The following ZNF577 variants were observed in gnomAD, a reference collection of about 807,000 sequenced individuals.
ZNF577 encodes zinc finger protein 577.
In ZNF577, 14 loss-of-function variants were observed where a neutral mutation model predicts 13.9. The observed-to-expected ratio is 1.00, with a 90% CI of 0.66 to 1.57. The LOEUF is 1.57. ZNF577 is among the 40% of genes most tolerant of loss of function. The probability of loss-of-function intolerance (pLI) is 0.00; values close to 1 mark genes in which losing one functional copy is unlikely to be tolerated. For missense variants in ZNF577, 555 were observed against 579.2 expected (o/e 0.96, Z 0.43); for synonymous variants, 203 against 202.9 (o/e 1.00, Z 0.00).
chr19:51,832,353 ATTTTTAT>A (rs2084265212), intron 9 of ZNF577, among the ~76,000 whole-genome samples: 1 of 151,164 alleles, frequency 6.6e-6, no homozygotes, highest in South Asian at 2.1e-4. Context: ...TTCTTTTTTT[ATTTTTAT>A]TTTTTATTTT....
In ZNF577 at chr19:51,824,305, C is replaced by A. The variant is rs1376408201; in HGVS notation, c.*600-12631G>T. 1.2e-6 allele frequency: 2 copies of A among 1,614,152 alleles called. No homozygotes were observed. On this transcript the variant is annotated intron_variant and NMD_transcript_variant, in intron 9 of 10. Transcript: ENST00000638827. The surrounding 1 kb of genome is among the most constrained non-coding windows in gnomAD (Gnocchi z 4.7). ...TTCAACTTTGCATTCTGGGGTGACA[C>A]TGCTGTAGAGAGGTTGAACGTGTTC...
chr19:51,885,698 T>C (rs2084935477), intron 1 of ZNF577, among the ~76,000 whole-genome samples: 1 of 152,108 alleles, frequency 6.6e-6, no homozygotes, highest in Non-Finnish European at 1.5e-5. Flanking sequence ...TTAGTAGGGA[T>C]GGGGTTTCAT....
intron 5 of ZNF577, among the ~76,000 whole-genome samples, chr19:51,848,645 A>T (rs909827320): frequency 6.6e-6 from 1 of 152,184 alleles, no homozygotes; most frequent in Non-Finnish European, 1.5e-5. Flanking sequence ...ACGGGCAACC[A>T]CAATCCAGGC....
intron 4 of ZNF577, 59 bp from the exon 5 acceptor site, chr19:51,877,436 G>A: frequency 7.2e-7 from 1 of 1,397,982 alleles, no homozygotes; most frequent in Non-Finnish European, 1.0e-6. Context: ...GATGAAGATG[G>A]AGAGGGTTAT....
intron 5 of ZNF577, among the ~76,000 whole-genome samples, chr19:51,876,328 G>A (rs955599467): frequency 6.6e-5 from 10 of 152,040 alleles, no homozygotes; most frequent in Admixed American, 5.9e-4. Flanking sequence ...CTGGCGACAC[G>A]CAGCGGGTTA....
chr19:51,866,561 C>A (rs191356681), downstream of ZNF577, among the ~76,000 whole-genome samples: 330 of 152,286 alleles, frequency 2.2e-3, 4 homozygotes, highest in Admixed American at 0.019. Context: ...AGAAACCAGT[C>A]AAGCCAATCC....
In ZNF577 at chr19:51,882,440, G is replaced by C. The variant is rs141820890; in HGVS notation, c.-218-1563C>G. 9.6e-4 allele frequency among the ~76,000 whole-genome samples: 146 copies of C among 151,540 alleles called. 3 individuals carry two copies. In the East Asian group the frequency reaches 0.026, roughly 27 times the overall value. On this transcript the variant is annotated intron_variant, in intron 1 of 5. Transcript: ENST00000638348. ...ATTAAAGAGGAATTTTCTTAAGAAA[G>C]GGGGCTTGGTTGTCAGATTGGCAGC...
rs148412847 is a variant in ZNF577 at position 51,821,526 on chromosome 19, C to A, written c.*600-9852G>T. 1.3e-4 allele frequency among the ~76,000 whole-genome samples: 20 copies of A among 152,122 alleles called. No homozygotes were observed. The East Asian group carries it at 3.7e-3, about 28-fold the overall frequency. On this transcript the variant is annotated intron_variant and NMD_transcript_variant, in intron 9 of 10. Coordinates refer to the ZNF577 transcript ENST00000638827. ...TGTCTGTAGTGCCAACGTTGAGAAACCTTGAGCTACATTAAACAATGTCCC... is the reference window on the plus strand; with the variant it reads ...TGTCTGTAGTGCCAACGTTGAGAAAACTTGAGCTACATTAAACAATGTCCC...
At chr19:51,874,700 C>T (rs921230307) in intron 5 of ZNF577, among the ~76,000 whole-genome samples, 1 of 152,022 alleles carries the variant, frequency 6.6e-6, no homozygotes, top group Non-Finnish European at 1.5e-5. Flanking sequence ...TTGACAGTTC[C>T]AAAACATGAC....
chr19:51,868,862 CAT>C lies in ZNF577; in HGVS notation c.*3668_*3669del, dbSNP rs1190115069. Among the ~76,000 whole-genome samples, 3 of 152,218 alleles carry C rather than the reference CAT, an allele frequency of 2.0e-5. No individual in the cohort carries two copies. Among genetic ancestry groups the C allele is most frequent in the African/African-American group, 4.8e-5 (2 of 41,464 alleles). ...AGCCTCAACCCTGTGCTCGCAGAAA[CAT>C]GTGCTGTGTTGACTCAAGGTTTACT... On this transcript the variant is annotated 3_prime_UTR_variant, in exon 6 of 6. Transcript: ENST00000638348.
downstream of ZNF577, among the ~76,000 whole-genome samples, chr19:51,863,532 A>G (rs1301760412): frequency 1.3e-5 from 2 of 152,218 alleles, no homozygotes; most frequent in African/African-American, 4.8e-5. Context: ...GTTTTAGGGT[A>G]GAGTTCAGAA....
At position 51,824,213 on chromosome 19, in the gene ZNF577, C is replaced by T. The variant is rs867540614; in HGVS notation, c.*600-12539G>A. 6.2e-7 allele frequency: 1 copy of T among 1,614,132 alleles called. No individual in the cohort carries two copies. Among genetic ancestry groups the T allele is most frequent in the Non-Finnish European group, 8.5e-7 (1 of 1,180,018 alleles). ...CGGGACTCTGGATTTTCACCATAGTCCTTACCTTACCAAATTTCATCTTCT... is the reference window on the plus strand; with the variant it reads ...CGGGACTCTGGATTTTCACCATAGTTCTTACCTTACCAAATTTCATCTTCT... On this transcript the variant is annotated intron_variant and NMD_transcript_variant, in intron 9 of 10. Transcript: ENST00000638827. The surrounding 1 kb of genome is among the most constrained non-coding windows in gnomAD (Gnocchi z 4.7).
chr19:51,876,258 A>G (rs1383297158), intron 5 of ZNF577, among the ~76,000 whole-genome samples: 3 of 152,172 alleles, frequency 2.0e-5, no homozygotes, highest in Non-Finnish European at 2.9e-5. Flanking sequence ...AACTGGGAGA[A>G]AGGAGGATTC....
intron 9 of ZNF577, among the ~76,000 whole-genome samples, chr19:51,821,846 C>T (rs2084192362): frequency 6.6e-6 from 1 of 151,662 alleles, no homozygotes; most frequent in Non-Finnish European, 1.5e-5. Flanking sequence ...GTAATGATGG[C>T]TGCCCACAAT....
chr19:51,852,952 A>G (rs921364254), intron 5 of ZNF577, among the ~76,000 whole-genome samples: 2 of 141,774 alleles, frequency 1.4e-5, no homozygotes, highest in Non-Finnish European at 3.0e-5. Context: ...TTTCTTTGAG[A>G]CAGGGTTTCA....
chr19:51,875,487 C>A (rs537418574), intron 5 of ZNF577, among the ~76,000 whole-genome samples: 26 of 152,062 alleles, frequency 1.7e-4, no homozygotes, highest in African/African-American at 6.3e-4. Flanking sequence ...AAAAATGCAA[C>A]GTGATCAAAT....
intron 5 of ZNF577, among the ~76,000 whole-genome samples, chr19:51,852,419 T>C (rs2084383482): frequency 6.6e-6 from 1 of 152,216 alleles, no homozygotes. Flanking sequence ...TGATCCCACC[T>C]ATCTGTCATG....
chr19:51,822,072 A>C (rs2084194130), intron 9 of ZNF577, among the ~76,000 whole-genome samples: 1 of 152,168 alleles, frequency 6.6e-6, no homozygotes, highest in African/African-American at 2.4e-5. Context: ...AGTATAAGCA[A>C]ATTTGGTCAA....
At chr19:51,828,467 G>A (rs534178008) in intron 9 of ZNF577, among the ~76,000 whole-genome samples, 1 of 152,186 alleles carries the variant, frequency 6.6e-6, no homozygotes, top group East Asian at 1.9e-4. Context: ...CTAATTAAGA[G>A]ACTTCCTCCA....
Sources: allele counts gnomAD v4.1 joint callset (sites outside exome capture counted in the v4.1 genomes callset), GRCh38; gene constraint gnomAD v4.1.1; non-coding constraint Gnocchi (gnomAD v3.1); transcripts MANE v1.5; gene names NCBI Gene and HGNC (gene_info 2026-07-23, HGNC 2026-07-21).